Variants in CTNNAL1 observed in about 807,000 individuals in gnomAD.
CTNNAL1 encodes catenin alpha like 1, also known as alpha-catulin.
Under a neutral mutation model 93.6 loss-of-function variants are expected in CTNNAL1, and 69 were observed. The observed-to-expected ratio is 0.74, with a 90% CI of 0.61 to 0.90. CTNNAL1 has a LOEUF of 0.90. CTNNAL1 is among the 40% of genes least tolerant of loss of function. The probability of loss-of-function intolerance (pLI) is 0.00; values close to 1 mark genes in which losing one functional copy is unlikely to be tolerated. For synonymous variants in CTNNAL1, 286 were observed against 305.4 expected (o/e 0.94, Z 0.66); for missense variants, 836 against 862.0 (o/e 0.97, Z 0.38).
At chr9:108,991,084 A>C (rs975343025) in intron 3 of CTNNAL1, among the ~76,000 whole-genome samples, 2 of 152,216 alleles carry the variant, frequency 1.3e-5, no homozygotes, top group South Asian at 2.1e-4. Context: ...GAAAAGGAAA[A>C]GGAAAAAGAA....
intron 1 of CTNNAL1, among the ~76,000 whole-genome samples, chr9:109,002,777 A>G (rs1026500765): frequency 6.6e-6 from 1 of 151,660 alleles, no homozygotes; most frequent in African/African-American, 2.4e-5. Context: ...TGAGGTTGGG[A>G]GTTCGAGACC....
At chr9:108,972,865 A>AT in intron 8 of CTNNAL1, 32 bp from the exon 9 acceptor site, 79 of 219,254 alleles carry the variant, frequency 3.6e-4, no homozygotes, top group Non-Finnish European at 4.5e-4. Flanking sequence ...GGGGGGTGGG[A>AT]GGGTGGAGAA....
chr9:108,984,175 T>C (rs1007579826), intron 5 of CTNNAL1, among the ~76,000 whole-genome samples, 172 bp downstream of exon 5: 1 of 152,236 alleles, frequency 6.6e-6, no homozygotes, highest in Non-Finnish European at 1.5e-5. Flanking sequence ...TATTTGGAGT[T>C]GGGGAAGAAA....
chr9:108,951,135 C>G (rs934242671), intron 14 of CTNNAL1, among the ~76,000 whole-genome samples: 1 of 151,734 alleles, frequency 6.6e-6, no homozygotes, highest in Non-Finnish European at 1.5e-5. Context: ...CTCAGCCTCC[C>G]GAGTAGCTGG....
intron 7 of CTNNAL1, among the ~76,000 whole-genome samples, chr9:108,978,917 A>G (rs1587968080): frequency 6.6e-6 from 1 of 152,338 alleles, no homozygotes; most frequent in East Asian, 1.9e-4. Context: ...AGGTCCCAAG[A>G]ACCTCTAGGA....
intron 12 of CTNNAL1, among the ~76,000 whole-genome samples, chr9:108,952,927 T>C (rs838834): frequency 0.14 from 21,710 of 152,254 alleles, 1,850 homozygotes; most frequent in Middle Eastern, 0.2. Context: ...ATATGTAGTT[T>C]TCTATACATT....
chr9:108,989,790 C>A (rs905893043), intron 4 of CTNNAL1, among the ~76,000 whole-genome samples: 2 of 152,228 alleles, frequency 1.3e-5, no homozygotes, highest in African/African-American at 4.8e-5. Flanking sequence ...TGATTCACGC[C>A]TGTAATCCCA....
At chr9:108,950,469 A>C (rs1268434363) in intron 14 of CTNNAL1, 5 of 1,542,370 alleles carry the variant, frequency 3.2e-6, no homozygotes, top group African/African-American at 2.8e-5. Flanking sequence ...ACAGCAGCAA[A>C]ATTTCTAACT....
Position 108,961,449 on chromosome 9 carries a change from C to G in CTNNAL1, c.1591+3929G>C, listed in dbSNP as rs1587953890. ...ATCAACCAACTCCATCTCAGTGAAA[C>G]CTACATAAACCCTTCCTGAACAGAG... On this transcript the variant is annotated intron_variant, in intron 11 of 18. Transcript: ENST00000325551. 2.0e-5 allele frequency among the ~76,000 whole-genome samples: 3 copies of G among 152,246 alleles called. No individual in the cohort carries two copies. In the South Asian group the frequency reaches 6.2e-4, roughly 32 times the overall value.
rs574628364 is a variant in CTNNAL1, at chr9:108,974,243, G to A, written c.1189-1410C>T. On this transcript the variant is annotated intron_variant, in intron 8 of 18. Coordinates refer to ENST00000325551, the MANE Select transcript of CTNNAL1 (RefSeq NM_003798.4). ...ATAAGAGGTAATGAAAATGAAGCCT[G>A]TGGAAAGCCACTCAGTTTATCACAA... Among the ~76,000 whole-genome samples, 5 of 152,340 alleles carry A rather than the reference G, an allele frequency of 3.3e-5. No individual in the cohort carries two copies. In the South Asian group the frequency reaches 1.0e-3, roughly 32 times the overall value.
intron 4 of CTNNAL1, among the ~76,000 whole-genome samples, chr9:108,986,731 G>C (rs1483830370): frequency 6.6e-6 from 1 of 152,184 alleles, no homozygotes; most frequent in Non-Finnish European, 1.5e-5. Context: ...TAACTGGTGT[G>C]AGATGGTATC....
rs764734016 is a variant in CTNNAL1 at position 108,943,765 on chromosome 9, G to A, written c.1993C>T (p.Pro665Ser). ...ACTGTCTGGAGCTGGTGGCATAGAG[G>A]AATTAGCTTGTTTATTTCCAGGAGA... ...MLLLEINKLIPLCHQLQTVTK... is the reference protein window; with the variant it reads ...MLLLEINKLISLCHQLQTVTK... Residue 665 changes from proline (P) to serine (S), a missense_variant, in exon 17 of 19, where the codon CCT (proline) becomes TCT (serine). Pro to Ser is a moderately conservative substitution (Grantham distance 74, BLOSUM62 -1). Transcript: ENST00000325551. 9.3e-6 allele frequency: 15 copies of A among 1,613,854 alleles called. No homozygotes were observed. In the East Asian group the frequency reaches 1.1e-4, roughly 12 times the overall value.
At chr9:108,950,030 A>G (rs1049221185) in intron 14 of CTNNAL1, among the ~76,000 whole-genome samples, 13 of 151,902 alleles carry the variant, frequency 8.6e-5, no homozygotes, top group African/African-American at 3.1e-4. Context: ...TCTCAAAAAA[A>G]AAAAAAAAAA....
intron 1 of CTNNAL1, among the ~76,000 whole-genome samples, chr9:109,005,152 T>C (rs1010957699): frequency 5.9e-5 from 9 of 152,138 alleles, no homozygotes; most frequent in Admixed American, 3.9e-4. Flanking sequence ...TAATTTTAAT[T>C]TGGAGAATGA....
chr9:108,953,020 T>C (rs1306150110), intron 12 of CTNNAL1, among the ~76,000 whole-genome samples: 3 of 152,240 alleles, frequency 2.0e-5, no homozygotes, highest in Non-Finnish European at 4.4e-5. Flanking sequence ...GCTTCATAGA[T>C]ATCACAACTG....
At chr9:108,949,113 TAAGAC>T (rs888363165) in intron 14 of CTNNAL1, among the ~76,000 whole-genome samples, 3 of 152,198 alleles carry the variant, frequency 2.0e-5, no homozygotes, top group Non-Finnish European at 4.4e-5. Flanking sequence ...TATAAATTAT[TAAGAC>T]AACCTTAAAC....
At chr9:109,013,257 C>A in intron 1 of CTNNAL1, 45 bp downstream of exon 1, 2 of 1,431,998 alleles carry the variant, frequency 1.4e-6, no homozygotes, top group Non-Finnish European at 1.8e-6. Flanking sequence ...CCATCGCGGG[C>A]CGCGGCGGGA....
chr9:108,943,608 T>A, intron 17 of CTNNAL1, 95 bp downstream of exon 17: 1 of 929,116 alleles, frequency 1.1e-6, no homozygotes, highest in Non-Finnish European at 1.6e-6. Flanking sequence ...GGAAATAAAT[T>A]GCCCTTCTGT....
chr9:108,965,810 A>G (rs1830936887), intron 10 of CTNNAL1, among the ~76,000 whole-genome samples: 1 of 152,202 alleles, frequency 6.6e-6, no homozygotes, highest in African/African-American at 2.4e-5. Context: ...CTGTTTGAAC[A>G]AAGTTGTTCC....
Sources: allele counts gnomAD v4.1 joint callset (sites outside exome capture counted in the v4.1 genomes callset), GRCh38; gene constraint gnomAD v4.1.1; transcripts MANE v1.5; gene names NCBI Gene and HGNC (gene_info 2026-07-23, HGNC 2026-07-21).